Variants in FSTL5 observed in about 807,000 individuals in gnomAD.
The protein encoded by FSTL5 is follistatin-related protein 5.
A neutral mutation model predicts 89.1 loss-of-function variants in FSTL5; 62 were observed. The observed-to-expected ratio is 0.70, with a 90% CI of 0.57 to 0.86. The LOEUF (loss-of-function observed/expected upper bound fraction) is 0.86. Among genes scored for constraint, FSTL5 ranks in the 40% least tolerant of loss-of-function variants. The pLI is 0.00. For missense variants in FSTL5, 1,057 were observed against 1,001.6 expected, an observed-to-expected ratio of 1.06 and a Z score of -0.75; for synonymous variants, 383 against 346.2, an observed-to-expected ratio of 1.11 and a Z score of -1.18.
intron 15 of FSTL5, among the ~76,000 whole-genome samples, chr4:161,389,591 C>A (rs1018172386): frequency 6.6e-6 from 1 of 152,098 alleles, no homozygotes; most frequent in Non-Finnish European, 1.5e-5. Flanking sequence ...TCCAAGCTAA[C>A]TTATTTTCAT....
At chr4:161,984,810 T>C (rs2111058584) in intron 3 of FSTL5, among the ~76,000 whole-genome samples, 1 of 152,286 alleles carries the variant, frequency 6.6e-6, no homozygotes, top group South Asian at 2.1e-4. Flanking sequence ...GTGGTACAAA[T>C]TTGGCTATAT....
chr4:162,050,717 A>G (rs934609442), intron 2 of FSTL5, among the ~76,000 whole-genome samples: 6 of 151,386 alleles, frequency 4.0e-5, no homozygotes, highest in Admixed American at 3.9e-4. Context: ...TAGTTCCATA[A>G]GAAGGGAACT....
At chr4:162,015,520 T>TA (rs1736891649) in intron 3 of FSTL5, among the ~76,000 whole-genome samples, 1 of 152,122 alleles carries the variant, frequency 6.6e-6, no homozygotes, top group African/African-American at 2.4e-5. Flanking sequence ...AAAGCACAGA[T>TA]ATAACTTAGC....
intron 3 of FSTL5, among the ~76,000 whole-genome samples, chr4:161,926,385 CAGA>C (rs1425009277): frequency 5.7e-5 from 8 of 139,820 alleles, no homozygotes; most frequent in Admixed American, 2.3e-4. Context: ...AATTCTGCAA[CAGA>C]AGAAGGTTTT....
chr4:162,077,779 G>T (rs1729927528), intron 2 of FSTL5, among the ~76,000 whole-genome samples: 1 of 151,664 alleles, frequency 6.6e-6, no homozygotes, highest in Non-Finnish European at 1.5e-5. Flanking sequence ...GGATTCTTTT[G>T]CTTGATTTAT....
chr4:161,828,046 TTCCTC>T (rs1730721016), intron 4 of FSTL5, among the ~76,000 whole-genome samples: 1 of 152,106 alleles, frequency 6.6e-6, no homozygotes, highest in Non-Finnish European at 1.5e-5. Context: ...CTTTTCCCGG[TTCCTC>T]TGGTAGCCCT....
At chr4:161,705,375 CA>C (rs1164468844) in intron 6 of FSTL5, among the ~76,000 whole-genome samples, 6 of 151,892 alleles carry the variant, frequency 4.0e-5, no homozygotes, top group Non-Finnish European at 8.8e-5. Flanking sequence ...GAAAAGTCAG[CA>C]AAAGCTAACA....
intron 15 of FSTL5, among the ~76,000 whole-genome samples, chr4:161,418,687 TA>T (rs1560885612): frequency 6.6e-6 from 1 of 152,190 alleles, no homozygotes. Context: ...TTGTCTATGG[TA>T]AAACTGGGTT....
intron 6 of FSTL5, among the ~76,000 whole-genome samples, chr4:161,701,967 T>G (rs1738407072): frequency 6.6e-6 from 1 of 152,162 alleles, no homozygotes; most frequent in African/African-American, 2.4e-5. Context: ...GATATACTTT[T>G]TATAAATATT....
chr4:161,765,563 C>A (rs1435391373), intron 5 of FSTL5, among the ~76,000 whole-genome samples: 1 of 152,142 alleles, frequency 6.6e-6, no homozygotes, highest in African/African-American at 2.4e-5. Flanking sequence ...AAAAATGCTG[C>A]AAAAACCTAT....
At chr4:162,010,306 C>T (rs1422786941) in intron 3 of FSTL5, among the ~76,000 whole-genome samples, 1 of 151,990 alleles carries the variant, frequency 6.6e-6, no homozygotes, top group African/African-American at 2.4e-5. Flanking sequence ...AAATAAAAAG[C>T]ACGCTCACTT....
chr4:161,513,137 T>A (rs1288723136), intron 10 of FSTL5, among the ~76,000 whole-genome samples: 1 of 152,088 alleles, frequency 6.6e-6, no homozygotes, highest in Admixed American at 6.6e-5. Context: ...TGAATATTTT[T>A]AAAAACCAAA....
intron 15 of FSTL5, among the ~76,000 whole-genome samples, chr4:161,429,161 T>G (rs998108461): frequency 1.3e-5 from 2 of 151,902 alleles, no homozygotes; most frequent in Non-Finnish European, 2.9e-5. Context: ...CTTTTTTGTG[T>G]GTGTGTGTGG....
chr4:161,592,343 G>T (rs1733848210), intron 7 of FSTL5, among the ~76,000 whole-genome samples: 1 of 151,896 alleles, frequency 6.6e-6, no homozygotes, highest in African/African-American at 2.4e-5. Context: ...TGTTACAAAG[G>T]TATACACGTG....
At chr4:161,756,955 G>A (rs1239078592) in intron 6 of FSTL5, among the ~76,000 whole-genome samples, 2 of 152,064 alleles carry the variant, frequency 1.3e-5, no homozygotes, top group Non-Finnish European at 2.9e-5. Context: ...TGTTAGTCAA[G>A]TCTATGTATC....
rs140759462 is a variant in FSTL5 at position 162,115,118 on chromosome 4, C to T, written c.-16-3706G>A. Among the ~76,000 whole-genome samples the T allele has an allele frequency of 9.8e-3, 1,488 of 151,918 alleles. 10 individuals carry two copies. The highest frequency in any genetic ancestry group is 0.015 in the Non-Finnish European group (1,030 of 67,914). On this transcript the variant is annotated intron_variant, in intron 1 of 15. Transcript: ENST00000306100. Reference sequence around the variant, plus strand: ...AGCTCAGCAGTGCAGAGGTAATAGCCAAAAAAGACCAGAGAAAGAACAAAA... The same window carrying T: ...AGCTCAGCAGTGCAGAGGTAATAGCTAAAAAAGACCAGAGAAAGAACAAAA...
chr4:161,916,036 A>T (rs1326807552), intron 4 of FSTL5, among the ~76,000 whole-genome samples: 2 of 152,124 alleles, frequency 1.3e-5, no homozygotes, highest in Non-Finnish European at 2.9e-5. Flanking sequence ...AAAAGAAAAA[A>T]GTCAGGTAAA....
intron 15 of FSTL5, chr4:161,388,017 T>G (rs1730706738): frequency 6.6e-6 from 1 of 152,026 alleles, no homozygotes; most frequent in African/African-American, 2.4e-5. Flanking sequence ...CTCCAATGAG[T>G]CTAGACATTT....
intron 3 of FSTL5, among the ~76,000 whole-genome samples, chr4:162,003,449 A>T (rs1373995678): frequency 6.6e-6 from 1 of 152,178 alleles, no homozygotes; most frequent in East Asian, 1.9e-4. Flanking sequence ...GTATCTCAAC[A>T]GAGTTTGTAA....
Sources: allele counts gnomAD v4.1 joint callset (sites outside exome capture counted in the v4.1 genomes callset), GRCh38; gene constraint gnomAD v4.1.1; transcripts MANE v1.5; gene names NCBI Gene and HGNC (gene_info 2026-07-23, HGNC 2026-07-21).